ARPC2: variants seen among roughly 807,000 people sequenced by gnomAD.
ARPC2 encodes actin-related protein 2/3 complex subunit 2.
In ARPC2, 4 loss-of-function variants were observed where a neutral mutation model predicts 38.6. The ratio of observed to expected loss-of-function variants is 0.10; its 90% CI spans 0.05 to 0.24. The LOEUF is 0.24. Among genes scored for constraint, ARPC2 ranks in the 10% least tolerant of loss-of-function variants. ARPC2 has a pLI of 1.00. For missense variants in ARPC2, 229 were observed against 387.3 expected (o/e 0.59, Z 3.43); for synonymous variants, 125 against 140.8 (o/e 0.89, Z 0.79).
intron 4 of ARPC2, chr2:218,234,052 C>T (rs1368546259): frequency 9.4e-6 from 2 of 212,842 alleles, no homozygotes; most frequent in Non-Finnish European, 1.9e-5. Flanking sequence ...GCCTATAATC[C>T]CAGCTACTTG....
intron 2 of ARPC2, among the ~76,000 whole-genome samples, chr2:218,219,601 C>G (rs1289833017): frequency 6.6e-6 from 1 of 152,156 alleles, no homozygotes; most frequent in East Asian, 1.9e-4. Flanking sequence ...CCGCCCGCCT[C>G]GGCCTCCCAA....
chr2:218,249,762 A>G, intron 9 of ARPC2, 59 bp from the exon 10 acceptor site: 1 of 1,507,036 alleles, frequency 6.6e-7, no homozygotes, highest in Admixed American at 1.9e-5. Flanking sequence ...GATGAAAGAC[A>G]GCAAAGCTGT....
intron 3 of ARPC2, among the ~76,000 whole-genome samples, chr2:218,226,826 T>A (rs1041269397): frequency 6.6e-4 from 100 of 152,002 alleles, no homozygotes; most frequent in Non-Finnish European, 1.2e-3. Flanking sequence ...GTTTTTTTTT[T>A]AATTTGGAAA....
At chr2:218,219,790 A>T (rs1488427483) in intron 2 of ARPC2, among the ~76,000 whole-genome samples, 1 of 152,122 alleles carries the variant, frequency 6.6e-6, no homozygotes, top group Non-Finnish European at 1.5e-5. Flanking sequence ...GTGGTTTTCA[A>T]TAAGCAGGCT....
intron 10 of ARPC2, among the ~76,000 whole-genome samples, chr2:218,250,386 G>T (rs145601083): frequency 6.6e-6 from 1 of 152,034 alleles, no homozygotes; most frequent in Non-Finnish European, 1.5e-5. Context: ...GAGCCGTGAC[G>T]GGCGCTGTGG....
chr2:218,231,180 G>A (rs756373855), intron 4 of ARPC2, among the ~76,000 whole-genome samples: 5 of 152,058 alleles, frequency 3.3e-5, no homozygotes, highest in African/African-American at 4.8e-5. Flanking sequence ...GCTAGAGTGG[G>A]AAGGTAATGG....
At position 218,245,516 on chromosome 2, in the gene ARPC2, G is replaced by A; in HGVS notation, c.646G>A (p.Val216Met). ...PLELKDTDAA[V>M]GDNIGYITFV... is the part of the protein sequence containing the mutation. ...GGAGCTGAAAGACACAGACGCCGCTGTGGGTGACAACATTGGCTACATTAC... is the reference window on the plus strand; with the variant it reads ...GGAGCTGAAAGACACAGACGCCGCTATGGGTGACAACATTGGCTACATTAC... The change falls in exon 8 of 11, where the codon GTG becomes ATG. Residue 216 changes from valine (V) to methionine (M), a missense_variant. By Grantham distance (21) the Val-to-Met change is conservative. Around this residue, in one of 3 missense-constraint regions of ARPC2, gnomAD observed 92 missense variants for 152.3 expected, o/e 0.60. Coordinates refer to ENST00000315717, the MANE Select transcript of ARPC2 (RefSeq NM_152862.3). 1.9e-6 allele frequency: 3 copies of A among 1,614,180 alleles called. No homozygotes were observed. Among genetic ancestry groups the A allele is most frequent in the Non-Finnish European group, 2.5e-6 (3 of 1,180,020 alleles).
chr2:218,245,797 ACTGAATT>A, intron 8 of ARPC2, among the ~76,000 whole-genome samples: 1 of 152,222 alleles, frequency 6.6e-6, no homozygotes, highest in East Asian at 1.9e-4. Context: ...TAAAAATAAG[ACTGAATT>A]CTGATATCAA....
intron 2 of ARPC2, among the ~76,000 whole-genome samples, chr2:218,224,131 G>A (rs943275042): frequency 3.3e-5 from 5 of 152,170 alleles, no homozygotes; most frequent in African/African-American, 1.2e-4. Flanking sequence ...GACCACTTAA[G>A]ATCGATCGTA....
At chr2:218,252,846 G>A (rs943398536) in intron 10 of ARPC2, 3 of 455,118 alleles carry the variant, frequency 6.6e-6, no homozygotes, top group African/African-American at 6.0e-5. Context: ...GTCCTGGTGA[G>A]AGACCCAGGA....
chr2:218,228,631 T>C (rs1574579391), intron 3 of ARPC2, 107 bp from the exon 4 acceptor site: 2 of 576,334 alleles, frequency 3.5e-6, no homozygotes, highest in Non-Finnish European at 6.3e-6. Context: ...TTTACTTACA[T>C]GCCTCCTTAA....
At chr2:218,253,633 C>A (rs1314956028) in intron 10 of ARPC2, among the ~76,000 whole-genome samples, 1 of 152,202 alleles carries the variant, frequency 6.6e-6, no homozygotes, top group African/African-American at 2.4e-5. Context: ...TAACTTGGTA[C>A]GTTGAATGTC....
At chr2:218,241,501 C>T (rs1031163668) in intron 7 of ARPC2, among the ~76,000 whole-genome samples, 11 of 152,170 alleles carry the variant, frequency 7.2e-5, no homozygotes, top group African/African-American at 2.4e-4. Context: ...TGCAGTAGCT[C>T]AGAAATTGGG....
chr2:218,228,962 A>G, intron 4 of ARPC2, 112 bp downstream of exon 4: 1 of 658,482 alleles, frequency 1.5e-6, no homozygotes, highest in South Asian at 1.7e-5. Flanking sequence ...CTACTTGCTC[A>G]CCTAACTAGG....
At chr2:218,244,285 T>A (rs1559482318) in intron 7 of ARPC2, among the ~76,000 whole-genome samples, 1 of 152,208 alleles carries the variant, frequency 6.6e-6, no homozygotes, top group Non-Finnish European at 1.5e-5. Flanking sequence ...GGTCCCAGGC[T>A]GGGCATTGGG....
chr2:218,243,493 C>T (rs1689962604), intron 7 of ARPC2, among the ~76,000 whole-genome samples: 1 of 152,146 alleles, frequency 6.6e-6, no homozygotes, highest in Admixed American at 6.6e-5. Flanking sequence ...AAAGAATAGT[C>T]CCAGTCAGGC....
intron 3 of ARPC2, among the ~76,000 whole-genome samples, chr2:218,228,417 C>T (rs531518764): frequency 4.6e-5 from 7 of 151,736 alleles, no homozygotes; most frequent in South Asian, 2.1e-4. Context: ...AAAAAAAAAT[C>T]GTTGAAGCCT....
At chr2:218,237,621 C>CAG (rs139870823) in intron 5 of ARPC2, among the ~76,000 whole-genome samples, 2,549 of 148,874 alleles carry the variant, frequency 0.017, 67 homozygotes, top group African/African-American at 0.06. Flanking sequence ...CTCTGTTGTG[C>CAG]AGTGGTGCAA....
At chr2:218,239,266 G>T in intron 6 of ARPC2, 125 bp from the exon 7 acceptor site, 1 of 668,008 alleles carries the variant, frequency 1.5e-6, no homozygotes, top group African/African-American at 1.8e-5. Context: ...ATCTCATTTG[G>T]CACACCTTTA....
Sources: gnomAD v4.1 joint callset for allele counts (sites outside exome capture counted in the v4.1 genomes callset) on GRCh38, gnomAD v4.1.1 for gene constraint, gnomAD v4.1.1 regional missense constraint, MANE v1.5 for transcripts, NCBI Gene and HGNC (gene_info 2026-07-23, HGNC 2026-07-21) for gene names.